Variants in CHRM3 observed in about 807,000 individuals in gnomAD.
CHRM3 encodes muscarinic acetylcholine receptor M3.
Under a neutral mutation model 41.8 loss-of-function variants are expected in CHRM3, and 11 were observed. The observed-to-expected ratio is 0.26, with a 90% CI of 0.17 to 0.44. CHRM3 has a LOEUF of 0.44. CHRM3 is among the 20% of genes least tolerant of loss of function. The probability of loss-of-function intolerance (pLI) is 1.00; values close to 1 mark genes in which losing one functional copy is unlikely to be tolerated. For missense variants in CHRM3, 571 were observed against 745.4 expected (o/e 0.77, Z 2.72); for synonymous variants, 297 against 301.4 (o/e 0.99, Z 0.15).
intron 1 of CHRM3, among the ~76,000 whole-genome samples, chr1:239,458,939 A>G (rs1417166220): frequency 6.6e-6 from 1 of 152,152 alleles, no homozygotes; most frequent in East Asian, 1.9e-4. Flanking sequence ...TTAGATGTAC[A>G]GGTCTTACTT....
chr1:239,903,233 C>T (rs1483732272), intron 6 of CHRM3, among the ~76,000 whole-genome samples: 1 of 152,140 alleles, frequency 6.6e-6, no homozygotes, highest in Non-Finnish European at 1.5e-5. Context: ...TGACCTTAGG[C>T]TAATTTCGAA....
At chr1:239,678,810 G>A (rs1377755419) in intron 5 of CHRM3, among the ~76,000 whole-genome samples, 1 of 152,130 alleles carries the variant, frequency 6.6e-6, no homozygotes, top group African/African-American at 2.4e-5. Flanking sequence ...CTAAGATTTT[G>A]TGACAGTTAT....
chr1:239,796,403 G>T (rs150003979), intron 5 of CHRM3, among the ~76,000 whole-genome samples: 2 of 152,112 alleles, frequency 1.3e-5, no homozygotes. Context: ...CAAGAGGAAC[G>T]TATACCACCA....
intron 5 of CHRM3, among the ~76,000 whole-genome samples, chr1:239,817,072 A>G (rs1162857263): frequency 6.6e-6 from 1 of 152,182 alleles, no homozygotes; most frequent in East Asian, 1.9e-4. Context: ...CATGTGAGGC[A>G]CTGTGAGCTG....
chr1:239,698,201 T>C (rs201801254), intron 5 of CHRM3, among the ~76,000 whole-genome samples: 1 of 152,206 alleles, frequency 6.6e-6, no homozygotes, highest in Admixed American at 6.5e-5. Context: ...GTATTATGAA[T>C]GCTGTGATGT....
At chr1:239,486,030 T>A (rs964351051) in intron 1 of CHRM3, among the ~76,000 whole-genome samples, 1 of 152,178 alleles carries the variant, frequency 6.6e-6, no homozygotes, top group Non-Finnish European at 1.5e-5. Context: ...GCTCTGCTGT[T>A]TTTACTCATT....
intron 5 of CHRM3, among the ~76,000 whole-genome samples, chr1:239,693,743 G>A (rs540672829): frequency 3.9e-5 from 6 of 152,298 alleles, no homozygotes; most frequent in African/African-American, 1.4e-4. Context: ...TCAGCCCATA[G>A]TTTGACCGTG....
chr1:239,843,597 A>G (rs1674016137), intron 6 of CHRM3, among the ~76,000 whole-genome samples: 1 of 152,038 alleles, frequency 6.6e-6, no homozygotes, highest in East Asian at 1.9e-4. Flanking sequence ...ACAAAAGAGA[A>G]AGTGTGTTCT....
At chr1:239,675,396 T>C (rs2149076885) in intron 4 of CHRM3, among the ~76,000 whole-genome samples, 1 of 152,326 alleles carries the variant, frequency 6.6e-6, no homozygotes, top group Non-Finnish European at 1.5e-5. Context: ...TGTTGCATCC[T>C]ACCCAAGAAC....
chr1:239,394,327 A>T (rs184382510), intron 1 of CHRM3, among the ~76,000 whole-genome samples: 117 of 152,284 alleles, frequency 7.7e-4, no homozygotes, highest in African/African-American at 2.7e-3. Flanking sequence ...TGAGCATATC[A>T]TTCCAATCTC....
intron 3 of CHRM3, among the ~76,000 whole-genome samples, chr1:239,585,478 C>A (rs1358148670): frequency 6.6e-6 from 1 of 152,154 alleles, no homozygotes; most frequent in African/African-American, 2.4e-5. Flanking sequence ...TGTACCCTTT[C>A]ATGGATTAGA....
intron 4 of CHRM3, among the ~76,000 whole-genome samples, chr1:239,648,255 G>A (rs1671914960): frequency 6.6e-6 from 1 of 152,152 alleles, no homozygotes; most frequent in Non-Finnish European, 1.5e-5. Flanking sequence ...TTCAGAGTGT[G>A]TGTGGGATGT....
intron 2 of CHRM3, among the ~76,000 whole-genome samples, chr1:239,539,836 C>A (rs2148382413): frequency 6.6e-6 from 1 of 152,172 alleles, no homozygotes; most frequent in Admixed American, 6.5e-5. Flanking sequence ...AAGCAGGTCT[C>A]AAATTCCTGG....
At chr1:239,676,906 TC>T (rs577633414) in intron 4 of CHRM3, among the ~76,000 whole-genome samples, 31 of 152,344 alleles carry the variant, frequency 2.0e-4, no homozygotes, top group African/African-American at 7.5e-4. Flanking sequence ...TTCTGCCACA[TC>T]GTGTGCATAA....
At chr1:239,870,226 A>C (rs1449577986) in intron 6 of CHRM3, among the ~76,000 whole-genome samples, 1 of 152,190 alleles carries the variant, frequency 6.6e-6, no homozygotes, top group African/African-American at 2.4e-5. Flanking sequence ...AGAGCAAGTC[A>C]CATCTCTGTA....
At chr1:239,671,665 T>C (rs1228860512) in intron 4 of CHRM3, among the ~76,000 whole-genome samples, 2 of 152,182 alleles carry the variant, frequency 1.3e-5, no homozygotes, top group Non-Finnish European at 2.9e-5. Flanking sequence ...ACAGTTATTT[T>C]ATTTTACTTT....
intron 4 of CHRM3, among the ~76,000 whole-genome samples, chr1:239,653,837 G>C (rs1169276136): frequency 6.6e-6 from 1 of 152,162 alleles, no homozygotes; most frequent in Non-Finnish European, 1.5e-5. Context: ...TCTTGGGAGA[G>C]AGTTGCAATC....
intron 3 of CHRM3, among the ~76,000 whole-genome samples, chr1:239,547,655 C>T (rs560318804): frequency 6.6e-5 from 10 of 152,226 alleles, no homozygotes; most frequent in African/African-American, 1.9e-4. Flanking sequence ...CTTTGTCAGG[C>T]ATTGTAAAGA....
intron 1 of CHRM3, among the ~76,000 whole-genome samples, chr1:239,469,775 C>A (rs7522967): frequency 1.3e-5 from 2 of 151,804 alleles, no homozygotes; most frequent in Non-Finnish European, 2.9e-5. Flanking sequence ...CAGGGTGGTC[C>A]CAAGTTCCTG....
Sources: gnomAD v4.1 joint callset for allele counts (sites outside exome capture counted in the v4.1 genomes callset) on GRCh38, gnomAD v4.1.1 for gene constraint, MANE v1.5 for transcripts, NCBI Gene and HGNC (gene_info 2026-07-23, HGNC 2026-07-21) for gene names.